Variants in NECAB1 observed in about 807,000 individuals in gnomAD.
NECAB1 encodes the protein N-terminal EF-hand calcium-binding protein 1.
Under a neutral mutation model 57.5 loss-of-function variants are expected in NECAB1, and 29 were observed. The ratio of observed to expected loss-of-function variants is 0.50; its 90% CI spans 0.38 to 0.69. The LOEUF (loss-of-function observed/expected upper bound fraction) is 0.69, where lower values mean the gene tolerates loss of function less well. NECAB1 is among the 30% of genes least tolerant of loss of function. The pLI is 0.00. For synonymous variants in NECAB1, 142 were observed against 147.7 expected (o/e 0.96, Z 0.28); for missense variants, 372 against 413.8 (o/e 0.90, Z 0.88).
In NECAB1 at chr8:90,858,338, C is replaced by G. The variant is rs937633056; in HGVS notation, c.234-13790C>G. Among the ~76,000 whole-genome samples, 6 of 152,178 alleles carry G rather than the reference C, an allele frequency of 3.9e-5. No homozygotes were observed. The East Asian group carries it at 1.2e-3, about 29-fold the overall frequency. ...GTAATCCAAGGAAGTCCCCTGAAAT[C>G]AGCAGTACCATCTGCCACAATTTAA... On this transcript the variant is annotated intron_variant, in intron 3 of 12. Transcript: ENST00000417640.
At chr8:90,950,709 C>T (rs747918022) in intron 11 of NECAB1, among the ~76,000 whole-genome samples, 7 of 152,062 alleles carry the variant, frequency 4.6e-5, no homozygotes, top group Non-Finnish European at 7.4e-5. Flanking sequence ...TAGAAGGAAA[C>T]GAGGTAACTT....
At chr8:90,794,796 A>G (rs1811633758) in intron 1 of NECAB1, among the ~76,000 whole-genome samples, 1 of 152,230 alleles carries the variant, frequency 6.6e-6, no homozygotes, top group African/African-American at 2.4e-5. Context: ...CTGCACACTG[A>G]GTGTATTAAA....
At chr8:90,793,462 A>T (rs919542835) in intron 1 of NECAB1, among the ~76,000 whole-genome samples, 1 of 151,946 alleles carries the variant, frequency 6.6e-6, no homozygotes, top group African/African-American at 2.4e-5. Context: ...ATCCTTCATG[A>T]GCATTTATCT....
intron 2 of NECAB1, among the ~76,000 whole-genome samples, chr8:90,804,065 A>G (rs1380384213): frequency 1.3e-5 from 2 of 152,226 alleles, no homozygotes; most frequent in Non-Finnish European, 2.9e-5. Context: ...CTCTAAGCCA[A>G]GCGTGCCTCT....
chr8:90,954,799 C>T (rs1810989376), intron 12 of NECAB1, among the ~76,000 whole-genome samples: 2 of 148,306 alleles, frequency 1.3e-5, no homozygotes, highest in Admixed American at 6.8e-5. Flanking sequence ...TAATAAATCA[C>T]ACATGTATTT....
chr8:90,821,669 CT>C (rs1208342445), intron 2 of NECAB1, among the ~76,000 whole-genome samples: 15 of 149,262 alleles, frequency 1.0e-4, no homozygotes, highest in South Asian at 2.1e-4. Flanking sequence ...TATAGCTAGA[CT>C]TTTTTTTTTC....
chr8:90,837,841 C>G (rs1251231554), intron 3 of NECAB1, among the ~76,000 whole-genome samples: 2 of 152,168 alleles, frequency 1.3e-5, no homozygotes, highest in South Asian at 4.1e-4. Context: ...TTAGAATGGA[C>G]TGTAAGAGGT....
At chr8:90,876,613 A>G (rs1808731123) in intron 4 of NECAB1, among the ~76,000 whole-genome samples, 1 of 152,128 alleles carries the variant, frequency 6.6e-6, no homozygotes, top group African/African-American at 2.4e-5. Flanking sequence ...ACAAAACTGT[A>G]GTTTGGTAAT....
intron 5 of NECAB1, among the ~76,000 whole-genome samples, chr8:90,887,939 G>A (rs755760838): frequency 1.4e-4 from 21 of 152,220 alleles, no homozygotes; most frequent in Middle Eastern, 3.4e-3. Context: ...CTAGAGCTGT[G>A]GTAGGTAGAA....
At chr8:90,832,977 T>C (rs1812316592) in intron 3 of NECAB1, among the ~76,000 whole-genome samples, 1 of 152,140 alleles carries the variant, frequency 6.6e-6, no homozygotes, top group Non-Finnish European at 1.5e-5. Context: ...GTTAATTCTC[T>C]CTAACAGTAG....
At chr8:90,953,977 G>C (rs953680864) in intron 12 of NECAB1, among the ~76,000 whole-genome samples, 1 of 151,934 alleles carries the variant, frequency 6.6e-6, no homozygotes, top group Non-Finnish European at 1.5e-5. Flanking sequence ...GCTGATGCAG[G>C]AGACTCACTT....
chr8:90,814,400 A>G (rs564569223), intron 2 of NECAB1, among the ~76,000 whole-genome samples: 7 of 152,026 alleles, frequency 4.6e-5, no homozygotes, highest in African/African-American at 1.7e-4. Context: ...TTCATACTTT[A>G]CTCTGTAGGA....
At chr8:90,817,666 T>G (rs1400473491) in intron 2 of NECAB1, among the ~76,000 whole-genome samples, 1 of 151,868 alleles carries the variant, frequency 6.6e-6, no homozygotes, top group Non-Finnish European at 1.5e-5. Context: ...TAAATTCCAC[T>G]TGATCTTGGT....
intron 2 of NECAB1, 95 bp from the exon 3 acceptor site, chr8:90,824,622 A>T: frequency 1.4e-6 from 1 of 703,596 alleles, no homozygotes; most frequent in South Asian, 2.2e-5. Flanking sequence ...ACACGTGTGT[A>T]CATGAACAAG....
intron 3 of NECAB1, among the ~76,000 whole-genome samples, chr8:90,857,300 C>T (rs1812811713): frequency 6.6e-6 from 1 of 151,952 alleles, no homozygotes; most frequent in Non-Finnish European, 1.5e-5. Flanking sequence ...CACATGGATG[C>T]AAAGAATATT....
intron 5 of NECAB1, among the ~76,000 whole-genome samples, chr8:90,902,871 C>T (rs555337696): frequency 6.6e-6 from 1 of 151,980 alleles, no homozygotes; most frequent in South Asian, 2.1e-4. Context: ...ATTTCTAGAA[C>T]ATTAACTCGG....
At chr8:90,874,968 A>G (rs1421048815) in intron 4 of NECAB1, among the ~76,000 whole-genome samples, 2 of 150,964 alleles carry the variant, frequency 1.3e-5, no homozygotes, top group Non-Finnish European at 2.9e-5. Flanking sequence ...GCCGTATCTT[A>G]TCACGATCAG....
intron 10 of NECAB1, among the ~76,000 whole-genome samples, chr8:90,948,984 T>C (rs1332527936): frequency 6.6e-6 from 1 of 152,150 alleles, no homozygotes; most frequent in Non-Finnish European, 1.5e-5. Flanking sequence ...TCAAAACATA[T>C]TATGTAGACT....
intron 5 of NECAB1, among the ~76,000 whole-genome samples, chr8:90,903,503 T>A (rs1207576999): frequency 2.0e-5 from 3 of 152,190 alleles, no homozygotes; most frequent in Non-Finnish European, 4.4e-5. Flanking sequence ...TTTGTTAATT[T>A]TTTCTATGGA....
Sources: allele counts gnomAD v4.1 joint callset (sites outside exome capture counted in the v4.1 genomes callset), GRCh38; gene constraint gnomAD v4.1.1; transcripts MANE v1.5; gene names NCBI Gene and HGNC (gene_info 2026-07-23, HGNC 2026-07-21).